Variants in HSPG2 observed in about 807,000 individuals in gnomAD.
HSPG2 encodes the protein basement membrane-specific heparan sulfate proteoglycan core protein.
A neutral mutation model predicts 526.6 loss-of-function variants in HSPG2; 278 were observed. The ratio of observed to expected loss-of-function variants is 0.53; its 90% CI spans 0.48 to 0.58. HSPG2 has a LOEUF of 0.58. Ranked by LOEUF, HSPG2 falls within the 20% of genes least tolerant of loss-of-function variation. The probability of loss-of-function intolerance (pLI) is 0.00; values close to 1 mark genes in which losing one functional copy is unlikely to be tolerated. For missense variants in HSPG2, 5,354 were observed against 6,099.5 expected (o/e 0.88, Z 4.07); for synonymous variants, 2,465 against 2,555.4 (o/e 0.96, Z 1.07).
rs529520384 is a variant in HSPG2 at position 21,880,760 on chromosome 1, G to A, written c.1894C>T (p.Arg632Trp). The A allele has an allele frequency of 1.3e-5, 20 of 1,599,412 alleles. No individual in the cohort carries two copies. Among genetic ancestry groups the A allele is most frequent in the Admixed American group, 8.6e-5 (5 of 57,964 alleles). ...LARGMLEPVQRPDVVLMGAGY... is the reference protein window; with the variant it reads ...LARGMLEPVQWPDVVLMGAGY... ...GCACCCATGAGGACCACGTCCGGCCGCTGCACTGGCTCCAGCATGCCACGG... is the reference window on the plus strand; with the variant it reads ...GCACCCATGAGGACCACGTCCGGCCACTGCACTGGCTCCAGCATGCCACGG... The change falls in exon 15 of 97, where the codon CGG (arginine) becomes TGG (tryptophan). Residue 632 changes from arginine (R) to tryptophan (W), a missense_variant. Transcript: ENST00000374695.
intron 48 of HSPG2, 33 bp from the exon 49 acceptor site, chr1:21,854,798 G>A (rs755391656): frequency 1.9e-6 from 3 of 1,612,968 alleles, no homozygotes; most frequent in Non-Finnish European, 2.5e-6. Context: ...CAGGCCCCAG[G>A]GGAGCCCTGG....
rs764497056 is a variant in HSPG2 at position 21,839,544 on chromosome 1, G to C, written c.9716C>G (p.Pro3239Arg). The change falls in exon 73 of 97, where the codon CCC becomes CGC. Residue 3239 changes from proline to arginine, a missense_variant. Pro to Arg is a moderately radical substitution (Grantham distance 103, BLOSUM62 -2). Transcript: ENST00000374695. The surrounding 1 kb of genome is among the most constrained non-coding windows in gnomAD (Gnocchi z 4.5). ...CTTGGACCAGTGGATGGTGGGCGCG[G>C]GGCTGCCTGTGGAGTCGAGTGGAAG... Reference protein sequence around the residue: ...ATLRCSATGSPAPTIHWSKLR... With the variant: ...ATLRCSATGSRAPTIHWSKLR... 3.1e-6 allele frequency: 5 copies of C among 1,613,872 alleles called. No homozygotes were observed. The highest frequency in any genetic ancestry group is 1.1e-5 in the South Asian group (1 of 91,078).
chr1:21,912,757 A>C (rs1049676248), intron 1 of HSPG2, among the ~76,000 whole-genome samples: 1 of 152,110 alleles, frequency 6.6e-6, no homozygotes, highest in Non-Finnish European at 1.5e-5. Context: ...AGGCAGGCGG[A>C]TTACTTAAGA....
chr1:21,871,093 G>A (rs1016845819), intron 33 of HSPG2, among the ~76,000 whole-genome samples: 2 of 152,038 alleles, frequency 1.3e-5, no homozygotes, highest in African/African-American at 2.4e-5. Context: ...CCGGATGCCC[G>A]TGCTGCTCAA....
At chr1:21,908,543 A>G in intron 1 of HSPG2, 1 of 933,640 alleles carries the variant, frequency 1.1e-6, no homozygotes, top group South Asian at 1.3e-5. Context: ...AAGGAGCCTG[A>G]GCTGCTGGAA....
intron 53 of HSPG2, 29 bp from the exon 54 acceptor site, chr1:21,851,955 G>A (rs1557717173): frequency 1.2e-6 from 2 of 1,604,226 alleles, no homozygotes; most frequent in Non-Finnish European, 1.7e-6. Context: ...AGGTGTGAGG[G>A]GGGCTTCCCG....
At chr1:21,927,169 G>T (rs1644219740) in intron 1 of HSPG2, among the ~76,000 whole-genome samples, 1 of 152,016 alleles carries the variant, frequency 6.6e-6, no homozygotes, top group Admixed American at 6.6e-5. Context: ...CCAGGCTCAG[G>T]CCCCAGCCAG....
intron 1 of HSPG2, among the ~76,000 whole-genome samples, chr1:21,906,950 A>G (rs1643411009): frequency 6.6e-6 from 1 of 152,150 alleles, no homozygotes; most frequent in Non-Finnish European, 1.5e-5. Context: ...TCTTGAAGAT[A>G]AGAAAAGCCG....
At chr1:21,919,724 G>A (rs1643981506) in intron 1 of HSPG2, among the ~76,000 whole-genome samples, 1 of 152,244 alleles carries the variant, frequency 6.6e-6, no homozygotes, top group South Asian at 2.1e-4. Flanking sequence ...GTAGGTCCAA[G>A]GGGGCCTGAA....
chr1:21,869,870 C>T (rs1343222784), intron 33 of HSPG2, among the ~76,000 whole-genome samples: 1 of 152,226 alleles, frequency 6.6e-6, no homozygotes, highest in East Asian at 1.9e-4. Context: ...ATGGGTTTGG[C>T]TGCCTATGGG....
At chr1:21,870,839 G>A (rs1479632172) in intron 33 of HSPG2, 12 of 986,102 alleles carry the variant, frequency 1.2e-5, no homozygotes, top group Admixed American at 6.1e-5. Context: ...CCTACCTGGT[G>A]AGCCCGGCGC....
intron 55 of HSPG2, among the ~76,000 whole-genome samples, chr1:21,851,126 C>T (rs1054599879): frequency 3.3e-5 from 5 of 152,130 alleles, no homozygotes; most frequent in African/African-American, 1.2e-4. Flanking sequence ...GCGCCTGCCA[C>T]TATGCCCGGC....
At chr1:21,906,186 A>G (rs113330221) in intron 1 of HSPG2, among the ~76,000 whole-genome samples, 6 of 152,288 alleles carry the variant, frequency 3.9e-5, no homozygotes, top group African/African-American at 1.4e-4. Context: ...GATGCCTGGG[A>G]CTTTCCTGCT....
rs964478700 is a variant in HSPG2, at chr1:21,894,800, G to A, written c.244+1122C>T. On this transcript the variant is annotated intron_variant, in intron 3 of 96. Transcript: ENST00000374695. ...ACATTAGCATAGGCCATTCCAGGACGGGACGTGCCATGTGTGCCTGGGGCC... is the reference window on the plus strand; with the variant it reads ...ACATTAGCATAGGCCATTCCAGGACAGGACGTGCCATGTGTGCCTGGGGCC... 1.2e-4 allele frequency among the ~76,000 whole-genome samples: 19 copies of A among 152,310 alleles called. No individual in the cohort carries two copies. The South Asian group carries it at 1.4e-3, about 12-fold the overall frequency.
rs781581449 is a variant in HSPG2 at position 21,872,162 on chromosome 1, C to T, written c.4221+24G>A. On this transcript the variant is annotated intron_variant, in intron 33 of 96. Transcript: ENST00000374695. This position sits in a 1 kb window ranked among gnomAD's most constrained non-coding sequence, Gnocchi z 5.5. ...GAACTCATGTCTGAGTCACGGCTGA[C>T]CCTGGTGCTTGGCTGGGGCCCACCT... 6.4e-7 allele frequency: 1 copy of T among 1,551,262 alleles called. No homozygotes were observed. The highest frequency in any genetic ancestry group is 8.7e-7 in the Non-Finnish European group (1 of 1,146,766).
chr1:21,887,567 C>G lies in HSPG2; in HGVS notation c.811G>C (p.Ala271Pro). The change falls in exon 8 of 97, where the codon GCT (alanine) becomes CCT (proline). Residue 271 changes from alanine to proline, a missense_variant. Ala to Pro is a conservative substitution (Grantham distance 27). Coordinates refer to ENST00000374695, the MANE Select transcript of HSPG2 (RefSeq NM_005529.7). The surrounding 1 kb of genome is among the most constrained non-coding windows in gnomAD (Gnocchi z 5.0). ...GAACCGGGAAGCAGGGGCTGAGGAG[C>G]GTGGGTGACTGGTGGCTGTCGCATG... The part of the protein sequence containing the change: ...TIMRQPPVTH[A>P]PQPLLPGSVR... The G allele has an allele frequency of 6.2e-7, 1 of 1,614,026 alleles. No individual in the cohort carries two copies. Among genetic ancestry groups the G allele is most frequent in the African/African-American group, 1.3e-5 (1 of 75,028 alleles).
intron 1 of HSPG2, among the ~76,000 whole-genome samples, chr1:21,917,941 GT>G (rs927307594): frequency 1.3e-4 from 19 of 147,732 alleles, no homozygotes; most frequent in South Asian, 4.3e-4. Context: ...CAGACACCAA[GT>G]TTTTTTTTTT....
At chr1:21,845,404 A>T (rs912585788) in intron 64 of HSPG2, among the ~76,000 whole-genome samples, 9 of 152,166 alleles carry the variant, frequency 5.9e-5, no homozygotes, top group African/African-American at 2.2e-4. Flanking sequence ...TTGGAGACAG[A>T]GTCTCACTTT....
chr1:21,904,365 C>T lies in HSPG2; in HGVS notation c.64-8055G>A, dbSNP rs1006090775. On this transcript the variant is annotated intron_variant, in intron 1 of 96. Transcript: ENST00000374695. The surrounding 1 kb of genome is among the most constrained non-coding windows in gnomAD (Gnocchi z 4.4). ...GCTGAGGCCAGGGCTGGAGAGGGCA[C>T]GGCACGTTCGCGGGGTGGGAGGAAG... Among the ~76,000 whole-genome samples, 2 of 152,134 alleles carry T rather than the reference C, an allele frequency of 1.3e-5. No homozygotes were observed. Among genetic ancestry groups the T allele is most frequent in the Admixed American group, 6.6e-5 (1 of 15,262 alleles).
Sources: allele counts gnomAD v4.1 joint callset (sites outside exome capture counted in the v4.1 genomes callset), GRCh38; gene constraint gnomAD v4.1.1; non-coding constraint Gnocchi (gnomAD v3.1); transcripts MANE v1.5; gene names NCBI Gene and HGNC (gene_info 2026-07-23, HGNC 2026-07-21).